Variants in CIMIP2B observed in about 807,000 individuals in gnomAD.
The protein encoded by CIMIP2B is family with sequence similarity 166 member B.
chr9:35,562,926 C>T, the CIMIP2B span: 34 of 1,613,912 alleles, frequency 2.1e-5, no homozygotes, highest in Non-Finnish European at 2.7e-5. Context: ...CCGGCTCTGG[C>T]ACCTGGTCCT....
At chr9:35,562,747 G>A in the CIMIP2B span, 10 of 1,612,474 alleles carry the variant, frequency 6.2e-6, no homozygotes, top group South Asian at 2.2e-5. Flanking sequence ...CAAGGAGGTG[G>A]AGCTGACAAT....
the CIMIP2B span, chr9:35,563,040 G>T: frequency 6.2e-7 from 1 of 1,613,996 alleles, no homozygotes; most frequent in South Asian, 1.1e-5. Flanking sequence ...AGACCTGGCT[G>T]CAGTTCTTGG....
At chr9:35,561,882 G>T in the CIMIP2B span, 16 of 709,176 alleles carry the variant, frequency 2.3e-5, no homozygotes, top group Admixed American at 3.4e-4. Flanking sequence ...TAAAAAAGGT[G>T]CTCAGCCTCC....
At chr9:35,561,919 ACC>A in the CIMIP2B span, 1 of 109,272 alleles carries the variant, frequency 9.2e-6, no homozygotes, top group Admixed American at 1.2e-4. Flanking sequence ...GTGTTCCCCC[ACC>A]CTCCCACCCT....
chr9:35,562,450 A>ATGTT, the CIMIP2B span: 22 of 1,578,874 alleles, frequency 1.4e-5, no homozygotes, highest in South Asian at 1.8e-4. Flanking sequence ...GTGGGGGGAG[A>ATGTT]TGTTTGGGGT....
At chr9:35,563,091 A>G in the CIMIP2B span, 1 of 1,613,742 alleles carries the variant, frequency 6.2e-7, no homozygotes, top group African/African-American at 1.3e-5. Context: ...CTGGGCAGGC[A>G]GGGACAAGGA....
the CIMIP2B span, chr9:35,562,691 A>G: frequency 1.2e-6 from 2 of 1,613,716 alleles, no homozygotes; most frequent in Non-Finnish European, 1.7e-6. Flanking sequence ...TCCATGGAGT[A>G]GGGAGAAGCC....
At chr9:35,561,840 GTATT>G in the CIMIP2B span, 171 of 622,230 alleles carry the variant, frequency 2.7e-4, no homozygotes, top group African/African-American at 1.3e-3. Flanking sequence ...GTCTGTTTAT[GTATT>G]TATTTATTTA....
chr9:35,563,640 C>T, the CIMIP2B span: 5 of 856,962 alleles, frequency 5.8e-6, no homozygotes, highest in Middle Eastern at 9.6e-4. Flanking sequence ...TTTCCATCCA[C>T]CACCATAGAG....
chr9:35,562,938 CTCTGTG>C, the CIMIP2B span: 1 of 1,614,040 alleles, frequency 6.2e-7, no homozygotes, highest in South Asian at 1.1e-5. Flanking sequence ...CCTGGTCCTT[CTCTGTG>C]TCCTTTCTTC....
At chr9:35,562,196 G>T in the CIMIP2B span, 2 of 1,072,202 alleles carry the variant, frequency 1.9e-6, no homozygotes, top group Non-Finnish European at 2.6e-6. Flanking sequence ...TCTAAAATCT[G>T]GCCCTAATTC....
chr9:35,561,987 G>A, the CIMIP2B span: 15 of 1,282,828 alleles, frequency 1.2e-5, no homozygotes, highest in Non-Finnish European at 1.5e-5. Context: ...AAAAGGGAAG[G>A]GAACTTGATG....
At chr9:35,563,063 G>A in the CIMIP2B span, 1 of 1,614,016 alleles carries the variant, frequency 6.2e-7, no homozygotes, top group East Asian at 2.2e-5. Flanking sequence ...AAGATGAACT[G>A]TGCCCGGGGT....
the CIMIP2B span, chr9:35,562,464 G>A: frequency 6.3e-7 from 1 of 1,584,486 alleles, no homozygotes; most frequent in East Asian, 2.3e-5. Flanking sequence ...TTGGGGTCCT[G>A]GGCACTGCCT....
chr9:35,561,866 T>C, the CIMIP2B span: 1 of 672,556 alleles, frequency 1.5e-6, no homozygotes, highest in Admixed American at 2.3e-5. Flanking sequence ...TTATTATACC[T>C]ATTAATAAAA....
At chr9:35,563,133 G>A in the CIMIP2B span, 1 of 1,612,060 alleles carries the variant, frequency 6.2e-7, no homozygotes, top group Non-Finnish European at 8.5e-7. Context: ...ACATGCTCCT[G>A]GGAGGGGCAC....
chr9:35,563,294 C>T, the CIMIP2B span: 1 of 1,613,986 alleles, frequency 6.2e-7, no homozygotes, highest in Non-Finnish European at 8.5e-7. Flanking sequence ...GACAGGGGGC[C>T]AGGCTAGGCC....
At chr9:35,563,119 G>C in the CIMIP2B span, 1 of 1,613,350 alleles carries the variant, frequency 6.2e-7, no homozygotes, top group Admixed American at 1.7e-5. Context: ...TTAGTGTTTG[G>C]AACACATGCT....
At chr9:35,563,745 G>A in the CIMIP2B span, 2 of 1,607,880 alleles carry the variant, frequency 1.2e-6, no homozygotes, top group African/African-American at 1.3e-5. Flanking sequence ...AGCAAGCGGG[G>A]AGCGCTAAGT....
Sources: gnomAD v4.1 joint callset for allele counts on GRCh38, gnomAD v4.1.1 for gene constraint, MANE v1.5 for transcripts, NCBI Gene and HGNC (gene_info 2026-07-23, HGNC 2026-07-21) for gene names.